ARID1B: variants seen among roughly 807,000 people sequenced by gnomAD.
ARID1B encodes the protein AT-rich interaction domain 1B.
Under a neutral mutation model 212.3 loss-of-function variants are expected in ARID1B, and 30 were observed. The observed-to-expected ratio is 0.14, with a 90% CI of 0.11 to 0.19. The LOEUF (loss-of-function observed/expected upper bound fraction) is 0.19. Ranked by LOEUF, ARID1B falls within the 10% of genes least tolerant of loss-of-function variation. The probability of loss-of-function intolerance (pLI) is 1.00; values close to 1 mark genes in which losing one functional copy is unlikely to be tolerated. For synonymous variants in ARID1B, 1,402 were observed against 1,301.7 expected, an observed-to-expected ratio of 1.08 and a Z score of -1.66; for missense variants, 2,891 against 3,204.0, an observed-to-expected ratio of 0.90 and a Z score of 2.36.
intron 4 of ARID1B, among the ~76,000 whole-genome samples, chr6:156,997,282 C>A (rs76700622): frequency 6.6e-6 from 1 of 152,252 alleles, no homozygotes; most frequent in African/African-American, 2.4e-5. Context: ...TAGAAGTTTG[C>A]GATTATATTA....
At position 156,874,256 on chromosome 6, in the gene ARID1B, G is replaced by A. The variant is rs1786370847; in HGVS notation, c.1987-27120G>A. 2.0e-5 allele frequency among the ~76,000 whole-genome samples: 3 copies of A among 152,132 alleles called. No homozygotes were observed. In the South Asian group the frequency reaches 6.2e-4, roughly 32 times the overall value. On this transcript the variant is annotated intron_variant, in intron 2 of 19. Transcript: ENST00000636930. The stretch of plus-strand genomic sequence containing the variant: ...ATTTTTAAATTTTTGGTAGAGACAG[G>A]ATCTACCTGTGTTACCCAGGCTGCT...
intron 2 of ARID1B, among the ~76,000 whole-genome samples, chr6:156,845,092 A>AAATTCACAGCCTC (rs59627688): frequency 0.64 from 97,984 of 152,006 alleles, 31,966 homozygotes; most frequent in African/African-American, 0.7. Flanking sequence ...TTTAGGAGAC[A>AAATTCACAGCCTC]TCTTCAGCCG....
At position 157,181,080 on chromosome 6, in the gene ARID1B, A is replaced by G; in HGVS notation, c.3616A>G (p.Arg1206Gly). Residue 1206 changes from arginine to glycine, a missense_variant, in exon 12 of 20, where the codon AGA (arginine) becomes GGA (glycine). Coordinates refer to ENST00000636930, the MANE Select transcript of ARID1B (RefSeq NM_001374828.1). ...VDRYLTFMEE[R>G]GSPVSSLPAV... ...CCGATACCTCACCTTCATGGAAGAG[A>G]GAGGCTCTCCTGTCTCAAGTCTGCC... 2 of 1,614,160 alleles carry G rather than the reference A, an allele frequency of 1.2e-6. No individual in the cohort carries two copies. The highest frequency in any genetic ancestry group is 1.7e-5 in the Admixed American group (1 of 60,018).
intron 5 of ARID1B, among the ~76,000 whole-genome samples, chr6:157,096,963 T>C (rs1785685138): frequency 6.6e-6 from 1 of 152,234 alleles, no homozygotes; most frequent in South Asian, 2.1e-4. Flanking sequence ...ATATACATTG[T>C]GAAGTGTTGA....
At position 157,206,843 on chromosome 6, in the gene ARID1B, G is replaced by T; in HGVS notation, c.6071G>T (p.Ser2024Ile). Residue 2024 changes from serine to isoleucine, a missense_variant, in exon 20 of 20, where the codon AGT (serine) becomes ATT (isoleucine). This residue lies in a region of ARID1B where 332 missense variants were observed against 369.2 expected (regional missense o/e 0.90). Transcript: ENST00000636930. This position sits in a 1 kb window ranked among gnomAD's most constrained non-coding sequence, Gnocchi z 6.8. ...AACCCTGGGCCCCAGACCGAAAGCAGTAAGTTTCCCTTTGGTATCCAGCAA... is the reference window on the plus strand; with the variant it reads ...AACCCTGGGCCCCAGACCGAAAGCATTAAGTTTCCCTTTGGTATCCAGCAA... ...DANPGPQTES[S>I]KFPFGIQQAK... 1.2e-6 allele frequency: 2 copies of T among 1,614,134 alleles called. No individual in the cohort carries two copies. Among genetic ancestry groups the T allele is most frequent in the Non-Finnish European group, 1.7e-6 (2 of 1,180,032 alleles).
chr6:156,823,769 T>C (rs1337495304), intron 1 of ARID1B, among the ~76,000 whole-genome samples: 2 of 150,532 alleles, frequency 1.3e-5, no homozygotes, highest in Admixed American at 6.6e-5. Flanking sequence ...AAATATGATA[T>C]GCATAAAGAT....
At chr6:156,948,737 A>G (rs1319576293) in intron 4 of ARID1B, among the ~76,000 whole-genome samples, 1 of 152,226 alleles carries the variant, frequency 6.6e-6, no homozygotes, top group Non-Finnish European at 1.5e-5. Context: ...AAATCAAATT[A>G]TTTCACTGGC....
At chr6:157,075,207 CAG>C (rs1277365928) in intron 4 of ARID1B, among the ~76,000 whole-genome samples, 1 of 152,088 alleles carries the variant, frequency 6.6e-6, no homozygotes, top group Non-Finnish European at 1.5e-5. Context: ...TGAATCATAA[CAG>C]AAAATAAGAA....
intron 3 of ARID1B, 71 bp downstream of exon 3, chr6:156,901,596 C>T (rs2128211350): frequency 6.7e-7 from 1 of 1,498,646 alleles, no homozygotes. Context: ...GAATCATCTT[C>T]CTGTCCTTTA....
Position 156,779,050 on chromosome 6 carries a change from A to AGGGCGGCGGCATGATGATGGGCCCCGG in ARID1B, c.1380_1406dup (p.Met461_Gly469dup). Reference sequence around the variant, plus strand: ...GGGGTGCTGAGCTCCCCCCGGCAGCAGGGCGGCGGCATGATGATGGGCCCC... The same window carrying AGGGCGGCGGCATGATGATGGGCCCCGG: ...GGGGTGCTGAGCTCCCCCCGGCAGCAGGGCGGCGGCATGATGATGGGCCCCGGGGGCGGCGGCATGATGATGGGCCCC... On this transcript the variant is annotated inframe_insertion, in exon 1 of 20. Transcript: ENST00000636930. The AGGGCGGCGGCATGATGATGGGCCCCGG allele has an allele frequency of 8.2e-7, 1 of 1,221,228 alleles. No individual in the cohort carries two copies. Among genetic ancestry groups the AGGGCGGCGGCATGATGATGGGCCCCGG allele is most frequent in the South Asian group, 3.9e-5 (1 of 25,896 alleles). The allele number at this position is 1,221,228 out of a possible 1,614,324, so 75.6% of individuals were successfully genotyped here.
chr6:156,945,987 C>T (rs949247253), intron 4 of ARID1B, among the ~76,000 whole-genome samples: 3 of 152,158 alleles, frequency 2.0e-5, no homozygotes, highest in African/African-American at 7.2e-5. Context: ...CCAGCCTGGG[C>T]AACAGAGCAA....
intron 2 of ARID1B, among the ~76,000 whole-genome samples, chr6:156,896,267 G>C (rs1024269504): frequency 6.6e-6 from 1 of 152,060 alleles, no homozygotes; most frequent in Non-Finnish European, 1.5e-5. Flanking sequence ...TTTAAACCTA[G>C]TAAGAAACTG....
At chr6:156,779,924 T>G (rs1419411762) in intron 1 of ARID1B, among the ~76,000 whole-genome samples, 1 of 152,128 alleles carries the variant, frequency 6.6e-6, no homozygotes, top group African/African-American at 2.4e-5. Context: ...GGGGAAAGAA[T>G]GAGGAACTTT....
At chr6:157,172,191 C>T (rs1050143836) in intron 9 of ARID1B, among the ~76,000 whole-genome samples, 3 of 152,184 alleles carry the variant, frequency 2.0e-5, no homozygotes, top group African/African-American at 7.2e-5. Flanking sequence ...TACAGGTTTA[C>T]TAATTCATAT....
chr6:156,998,913 G>A (rs1368952926), intron 4 of ARID1B, among the ~76,000 whole-genome samples: 1 of 152,198 alleles, frequency 6.6e-6, no homozygotes, highest in South Asian at 2.1e-4. Flanking sequence ...AGAAAATACC[G>A]TGGAGCCTTT....
rs1328150260 is a variant in ARID1B, at chr6:156,778,860, G to A, written c.1180G>A (p.Gly394Ser). 3.6e-6 allele frequency: 5 copies of A among 1,406,336 alleles called. No homozygotes were observed. The South Asian group carries it at 6.3e-5, about 18-fold the overall frequency. 87.1% of individuals were successfully genotyped at this position (1,406,336 alleles called of 1,614,324 possible). A position where few individuals can be genotyped will look rare whatever the true frequency, so the allele number is the denominator to read the frequency against. ...CCGGCCCGGCGCGGGCGGCGGCGGCGGCGGCGGCGGCGGAGGAGGAGGAGG... is the reference window on the plus strand; with the variant it reads ...CCGGCCCGGCGCGGGCGGCGGCGGCAGCGGCGGCGGCGGAGGAGGAGGAGG... ...YSRPGAGGGGGGGGGGGGGSG... is the reference protein window; with the variant it reads ...YSRPGAGGGGSGGGGGGGGSG... Residue 394 changes from glycine to serine, a missense_variant, in exon 1 of 20, where the codon GGC becomes AGC. Gly to Ser is a moderately conservative substitution (Grantham distance 56, BLOSUM62 0). This residue lies in a region of ARID1B where 1,643 missense variants were observed against 1,544.0 expected (regional missense o/e 1.06). Coordinates refer to ENST00000636930, the MANE Select transcript of ARID1B (RefSeq NM_001374828.1).
intron 2 of ARID1B, among the ~76,000 whole-genome samples, chr6:156,886,143 C>T (rs1787482248): frequency 1.3e-5 from 2 of 152,114 alleles, no homozygotes; most frequent in South Asian, 4.1e-4. Flanking sequence ...GACATTCTAC[C>T]CATACTTTCT....
intron 4 of ARID1B, among the ~76,000 whole-genome samples, chr6:157,050,272 A>G (rs1419613555): frequency 1.3e-5 from 2 of 152,182 alleles, no homozygotes; most frequent in Non-Finnish European, 2.9e-5. Flanking sequence ...GTGGCTGGGC[A>G]TGGTGGCTCA....
chr6:157,165,554 TA>T (rs71841654), intron 8 of ARID1B, among the ~76,000 whole-genome samples: 13,869 of 148,892 alleles, frequency 0.093, 859 homozygotes, highest in African/African-American at 0.17. Flanking sequence ...ACAGTATATT[TA>T]AAAAAAAAAA....
Sources: allele counts gnomAD v4.1 joint callset (sites outside exome capture counted in the v4.1 genomes callset), GRCh38; gene constraint gnomAD v4.1.1; regional missense constraint gnomAD v4.1.1; non-coding constraint Gnocchi (gnomAD v3.1); transcripts MANE v1.5; gene names NCBI Gene and HGNC (gene_info 2026-07-23, HGNC 2026-07-21).